PIGL: variants seen among roughly 807,000 people sequenced by gnomAD.
PIGL encodes N-acetylglucosaminyl-phosphatidylinositol de-N-acetylase.
A neutral mutation model predicts 31.1 loss-of-function variants in PIGL; 22 were observed. The ratio of observed to expected loss-of-function variants is 0.71; its 90% CI spans 0.51 to 1.01. The LOEUF (loss-of-function observed/expected upper bound fraction) is 1.01, where lower values mean the gene tolerates loss of function less well. PIGL is among the 50% of genes least tolerant of loss of function. The pLI is 0.00. For missense variants in PIGL, 302 were observed against 315.9 expected (o/e 0.96, Z 0.33); for synonymous variants, 131 against 117.4 (o/e 1.12, Z -0.75).
intron 4 of PIGL, 90 bp downstream of exon 4, chr17:16,313,704 T>A: frequency 9.5e-7 from 1 of 1,050,824 alleles, no homozygotes; most frequent in Non-Finnish European, 1.5e-6. Context: ...TCCCACTTGT[T>A]ATCTGAGCCC....
intron 2 of PIGL, among the ~76,000 whole-genome samples, chr17:16,244,207 C>T (rs1478288923): frequency 6.6e-6 from 1 of 152,160 alleles, no homozygotes; most frequent in Non-Finnish European, 1.5e-5. Flanking sequence ...GGGCCTAACT[C>T]GTTAGTCCTA....
chr17:16,290,584 G>T (rs2092956306), intron 2 of PIGL, among the ~76,000 whole-genome samples: 2 of 152,148 alleles, frequency 1.3e-5, no homozygotes, highest in East Asian at 3.9e-4. Context: ...TTTTTGTAGA[G>T]ATGTAGCTCA....
At chr17:16,277,710 C>T (rs1238553863) in intron 2 of PIGL, among the ~76,000 whole-genome samples, 1 of 152,150 alleles carries the variant, frequency 6.6e-6, no homozygotes, top group Non-Finnish European at 1.5e-5. Flanking sequence ...GATTATAAAA[C>T]CACCTTCTAA....
intron 2 of PIGL, among the ~76,000 whole-genome samples, chr17:16,248,196 T>G (rs1167718485): frequency 6.6e-6 from 1 of 152,136 alleles, no homozygotes; most frequent in East Asian, 1.9e-4. Flanking sequence ...TCAAGCTTTC[T>G]CATTTTTTTA....
In PIGL at chr17:16,325,944, C is replaced by T; in HGVS notation, c.*46C>T. ...TCCAAGGAACAAAGGGGAAAATAGA[C>T]AAAGGAGTGCAGAGGACCTGGCCTG... On this transcript the variant is annotated 3_prime_UTR_variant, in exon 7 of 7. Transcript: ENST00000225609. The T allele has an allele frequency of 7.4e-7, 1 of 1,360,346 alleles. No individual in the cohort carries two copies. The highest frequency in any genetic ancestry group is 1.1e-6 in the Non-Finnish European group (1 of 949,510). The allele number at this position is 1,360,346 out of a possible 1,614,324, so 84.3% of individuals were successfully genotyped here.
chr17:16,255,284 G>C (rs1343189183), intron 2 of PIGL, among the ~76,000 whole-genome samples: 1 of 152,050 alleles, frequency 6.6e-6, no homozygotes, highest in African/African-American at 2.4e-5. Flanking sequence ...TGAATACTTA[G>C]GTTTGAAAGT....
At chr17:16,298,142 G>T (rs929779982) in intron 2 of PIGL, among the ~76,000 whole-genome samples, 3 of 152,100 alleles carry the variant, frequency 2.0e-5, no homozygotes, top group African/African-American at 7.2e-5. Flanking sequence ...CTGCCATAAG[G>T]GGTTGGCAGA....
chr17:16,249,484 A>AAAAAC (rs201292702), intron 2 of PIGL, among the ~76,000 whole-genome samples: 1,924 of 152,258 alleles, frequency 0.013, 51 homozygotes, highest in African/African-American at 0.044. Context: ...AGACAAGAAC[A>AAAAAC]AAAACAAAAC....
intron 2 of PIGL, among the ~76,000 whole-genome samples, chr17:16,258,103 A>AGAGAGAGAGAGAGAG (rs2092803342): frequency 9.1e-5 from 6 of 65,692 alleles, no homozygotes; most frequent in East Asian, 7.9e-4. Flanking sequence ...GAGAGAGAGA[A>AGAGAGAGAGAGAGAG]AGAGAGAGAG....
intron 2 of PIGL, among the ~76,000 whole-genome samples, chr17:16,297,114 G>A (rs938211564): frequency 2.0e-5 from 3 of 152,166 alleles, no homozygotes; most frequent in African/African-American, 2.4e-5. Flanking sequence ...AGATAGATTG[G>A]GGAAAACTTG....
At chr17:16,311,640 G>C (rs909673811) in intron 3 of PIGL, among the ~76,000 whole-genome samples, 2 of 147,880 alleles carry the variant, frequency 1.4e-5, no homozygotes, top group Middle Eastern at 3.5e-3. Flanking sequence ...GGGTACTTGA[G>C]ATTAGGGAGT....
chr17:16,261,621 G>A (rs915647468), intron 2 of PIGL, among the ~76,000 whole-genome samples: 7 of 152,056 alleles, frequency 4.6e-5, no homozygotes, highest in Non-Finnish European at 1.0e-4. Context: ...CCAATACTCT[G>A]GAGGCAGAGA....
intron 3 of PIGL, among the ~76,000 whole-genome samples, chr17:16,309,365 G>A (rs1360281041): frequency 6.6e-6 from 1 of 152,212 alleles, no homozygotes; most frequent in African/African-American, 2.4e-5. Flanking sequence ...CATAAAAGCA[G>A]TTTGAAAAGT....
intron 2 of PIGL, among the ~76,000 whole-genome samples, chr17:16,277,251 A>G (rs1483525678): frequency 6.6e-6 from 1 of 152,010 alleles, no homozygotes; most frequent in African/African-American, 2.4e-5. Flanking sequence ...CCTTGGTGAA[A>G]AAAAAGTTTC....
At chr17:16,231,073 T>C (rs1326867573) in intron 1 of PIGL, among the ~76,000 whole-genome samples, 9 of 127,618 alleles carry the variant, frequency 7.1e-5, no homozygotes, top group Non-Finnish European at 9.7e-5. Context: ...TTTTCTTTTT[T>C]TTTTTTTTTT....
rs201862158 is a variant in PIGL at position 16,231,073 on chromosome 17, T to TC, written c.236-2898_236-2897insC. Among the ~76,000 whole-genome samples, 121 of 127,676 alleles carry TC rather than the reference T, an allele frequency of 9.5e-4. 1 individual carries two copies. Among genetic ancestry groups the TC allele is most frequent in the East Asian group, 7.7e-3 (33 of 4,276 alleles). The allele number at this position is 127,676 out of a possible 152,430, so 83.8% of individuals were successfully genotyped here. On this transcript the variant is annotated intron_variant, in intron 1 of 6. Coordinates refer to ENST00000225609, the MANE Select transcript of PIGL (RefSeq NM_004278.4). ...TTTTTTGGTTTTGGTTTTTCTTTTT[T>TC]TTTTTTTTTTTTTTTTGGTAGAGAG...
At chr17:16,227,938 G>A (rs549262077) in intron 1 of PIGL, among the ~76,000 whole-genome samples, 27 of 151,478 alleles carry the variant, frequency 1.8e-4, no homozygotes, top group Non-Finnish European at 3.4e-4. Flanking sequence ...TAGGGATAAC[G>A]CCTATAATCC....
intron 1 of PIGL, among the ~76,000 whole-genome samples, chr17:16,222,525 GTT>G (rs1267661329): frequency 1.3e-5 from 2 of 151,814 alleles, no homozygotes; most frequent in East Asian, 3.9e-4. Flanking sequence ...GAATCACAAA[GTT>G]TAAGTAACAA....
At chr17:16,265,424 C>T (rs537313243) in intron 2 of PIGL, among the ~76,000 whole-genome samples, 35 of 152,052 alleles carry the variant, frequency 2.3e-4, no homozygotes, top group African/African-American at 7.7e-4. Flanking sequence ...AGTATTAGTC[C>T]CCACAACCTA....
Sources: gnomAD v4.1 joint callset for allele counts (sites outside exome capture counted in the v4.1 genomes callset) on GRCh38, gnomAD v4.1.1 for gene constraint, MANE v1.5 for transcripts, NCBI Gene and HGNC (gene_info 2026-07-23, HGNC 2026-07-21) for gene names.